SPECC1: variants seen among roughly 807,000 people sequenced by gnomAD.
The protein encoded by SPECC1 is sperm antigen with calponin homology and coiled-coil domains 1.
In SPECC1, 62 loss-of-function variants were observed where a neutral mutation model predicts 104.1. The observed-to-expected ratio is 0.60, with a 90% confidence interval of 0.49 to 0.74. SPECC1 has a LOEUF of 0.74. Among genes scored for constraint, SPECC1 ranks in the 30% least tolerant of loss-of-function variants. The pLI, the probability that SPECC1 is intolerant of heterozygous loss-of-function variation, is 0.00. For missense variants in SPECC1, 1,306 were observed against 1,310.5 expected, an observed-to-expected ratio of 1.00 and a Z score of 0.05; for synonymous variants, 513 against 501.6, an observed-to-expected ratio of 1.02 and a Z score of -0.30.
At chr17:20,288,878 G>A (rs562959023) in intron 12 of SPECC1, among the ~76,000 whole-genome samples, 17 of 149,698 alleles carry the variant, frequency 1.1e-4, no homozygotes, top group African/African-American at 3.2e-4. Context: ...CCGCCCCCCC[G>A]GGTTCAAGTG....
At chr17:20,223,308 G>C (rs2038004423) in intron 4 of SPECC1, among the ~76,000 whole-genome samples, 1 of 152,042 alleles carries the variant, frequency 6.6e-6, no homozygotes, top group Non-Finnish European at 1.5e-5. Flanking sequence ...CAGTTCTGCT[G>C]TTGAGACTCT....
At chr17:20,309,638 G>C (rs1037949489) in intron 14 of SPECC1, among the ~76,000 whole-genome samples, 1 of 152,064 alleles carries the variant, frequency 6.6e-6, no homozygotes, top group Non-Finnish European at 1.5e-5. Context: ...TTATAAGTGA[G>C]AACATGTCTT....
chr17:20,316,070 C>T lies in SPECC1; in HGVS notation c.*2005C>T, dbSNP rs527858598. The T allele has an allele frequency of 4.3e-5, 10 of 232,516 alleles. No homozygotes were observed. In the East Asian group the frequency reaches 4.9e-4, roughly 11 times the overall value. The allele number at this position is 232,516 out of a possible 1,614,324, so 14.4% of individuals were successfully genotyped here. On this transcript the variant is annotated 3_prime_UTR_variant, in exon 15 of 15. Coordinates refer to ENST00000395527, the MANE Select transcript of SPECC1 (RefSeq NM_001243439.2). Reference sequence around the variant, plus strand: ...AGCAGCTGTTGGGCGATGGTCATTACATCACCCATGCCTTTGTATTTAAAT... The same window carrying T: ...AGCAGCTGTTGGGCGATGGTCATTATATCACCCATGCCTTTGTATTTAAAT...
At chr17:20,261,481 G>A (rs1239339065) in intron 12 of SPECC1, among the ~76,000 whole-genome samples, 2 of 133,008 alleles carry the variant, frequency 1.5e-5, no homozygotes, top group Admixed American at 8.5e-5. Flanking sequence ...CAGGCTGGGC[G>A]ACAGAGCAAG....
chr17:20,160,821 T>G (rs913855209), intron 3 of SPECC1, among the ~76,000 whole-genome samples: 11 of 152,194 alleles, frequency 7.2e-5, no homozygotes, highest in Non-Finnish European at 1.5e-4. Context: ...TAACCTGCAC[T>G]ATGAAAGTTG....
intron 5 of SPECC1, among the ~76,000 whole-genome samples, chr17:20,231,118 G>T (rs1382734434): frequency 6.6e-6 from 1 of 152,162 alleles, no homozygotes; most frequent in East Asian, 1.9e-4. Context: ...GAGAACAAGG[G>T]GCTGCAGGTG....
At chr17:20,046,806 T>C (rs2045556573) in intron 1 of SPECC1, among the ~76,000 whole-genome samples, 1 of 146,634 alleles carries the variant, frequency 6.8e-6, no homozygotes, top group African/African-American at 2.5e-5. Context: ...GGAGGGGCAG[T>C]GAGGAGGCCA....
At chr17:20,139,819 T>C (rs1007890293) in intron 3 of SPECC1, among the ~76,000 whole-genome samples, 28 of 152,014 alleles carry the variant, frequency 1.8e-4, no homozygotes, top group Middle Eastern at 6.3e-3. Flanking sequence ...GGATGACAGG[T>C]GCCCATCACC....
At position 20,204,773 on chromosome 17, in the gene SPECC1, G is replaced by C. The variant is rs144644210; in HGVS notation, c.724G>C (p.Asp242His). 3.7e-6 allele frequency: 6 copies of C among 1,614,072 alleles called. No homozygotes were observed. In the Admixed American group the frequency reaches 8.3e-5, roughly 22 times the overall value. The change falls in exon 4 of 15, where the codon GAT (aspartate) becomes CAT (histidine). Residue 242 changes from aspartate to histidine, a missense_variant. Asp to His is a moderately conservative substitution (Grantham distance 81). This residue lies in a region of SPECC1 where 1,177 missense variants were observed against 1,139.9 expected (regional missense o/e 1.03). Coordinates refer to ENST00000395527, the MANE Select transcript of SPECC1 (RefSeq NM_001243439.2). ...CAAGAACTTTCAGAAAGAGCTTTCC[G>C]ATCTAGAGGAAGAAAACCGGGTCCT... The part of the protein sequence containing the change: ...KNKNFQKELS[D>H]LEEENRVLKE...
intron 1 of SPECC1, among the ~76,000 whole-genome samples, chr17:20,038,909 A>G (rs1006834811): frequency 6.6e-6 from 1 of 152,178 alleles, no homozygotes; most frequent in Admixed American, 6.5e-5. Context: ...TATGACTTCT[A>G]TTCTTTGAAA....
Position 20,229,338 on chromosome 17 carries a change from C to T in SPECC1, c.2071+1718C>T, listed in dbSNP as rs548673188. Among the ~76,000 whole-genome samples, 17 of 152,196 alleles carry T rather than the reference C, an allele frequency of 1.1e-4. 1 individual carries two copies. In the South Asian group the frequency reaches 2.5e-3, roughly 22 times the overall value. On this transcript the variant is annotated intron_variant, in intron 5 of 14. Coordinates refer to ENST00000395527, the MANE Select transcript of SPECC1 (RefSeq NM_001243439.2). ...TTCATGCAGACGCAAGCTCTTGTCC[C>T]GTTGTGCGTGAGTTCGGTGTTATTG...
intron 7 of SPECC1, among the ~76,000 whole-genome samples, chr17:20,236,079 G>A (rs997566437): frequency 2.0e-5 from 3 of 152,270 alleles, no homozygotes; most frequent in African/African-American, 4.8e-5. Context: ...GAAGTTGGAG[G>A]TATAGATTCT....
chr17:20,265,859 C>T (rs1030727548), intron 12 of SPECC1, among the ~76,000 whole-genome samples: 10 of 152,270 alleles, frequency 6.6e-5, no homozygotes, highest in Middle Eastern at 3.4e-3. Flanking sequence ...AATTCTCTTC[C>T]CATTGCTTGT....
At chr17:20,069,348 T>TTTTAATTTTTATGAAGTCCAC (rs2046466875) in intron 1 of SPECC1, among the ~76,000 whole-genome samples, 1 of 152,206 alleles carries the variant, frequency 6.6e-6, no homozygotes, top group Non-Finnish European at 1.5e-5. Context: ...AGCAAAAGGT[T>TTTTAATTTTTATGAAGTCCAC]TTTAATTTTT....
At chr17:20,167,396 C>T in intron 3 of SPECC1, among the ~76,000 whole-genome samples, 1 of 151,858 alleles carries the variant, frequency 6.6e-6, no homozygotes, top group East Asian at 1.9e-4. Context: ...AAATAGCTCC[C>T]AGCTGGGCGC....
At chr17:20,010,668 G>A (rs2043911599) in intron 1 of SPECC1, among the ~76,000 whole-genome samples, 1 of 152,144 alleles carries the variant, frequency 6.6e-6, no homozygotes, top group African/African-American at 2.4e-5. Context: ...TGATCTTATT[G>A]TCTGTTAAAC....
At chr17:20,193,915 A>G (rs953799625) in intron 3 of SPECC1, among the ~76,000 whole-genome samples, 1 of 152,338 alleles carries the variant, frequency 6.6e-6, no homozygotes, top group East Asian at 1.9e-4. Flanking sequence ...GATCACTGGT[A>G]GGTTCACAGG....
intron 12 of SPECC1, among the ~76,000 whole-genome samples, chr17:20,264,981 G>T (rs2040169344): frequency 6.6e-6 from 1 of 152,082 alleles, no homozygotes; most frequent in African/African-American, 2.4e-5. Context: ...TTATGGCTGT[G>T]TATTTCCATG....
rs542164349 is a variant in SPECC1 at position 20,284,663 on chromosome 17, A to C, written c.2941-12298A>C. 5.9e-5 allele frequency among the ~76,000 whole-genome samples: 9 copies of C among 152,390 alleles called. No homozygotes were observed. In the South Asian group the frequency reaches 1.9e-3, roughly 32 times the overall value. On this transcript the variant is annotated intron_variant, in intron 12 of 14. Coordinates refer to ENST00000395527, the MANE Select transcript of SPECC1 (RefSeq NM_001243439.2). The stretch of plus-strand genomic sequence containing the variant: ...GATCCTCCCTGGGCTTTTATTGCAC[A>C]TGCTGAGCTCCAGTGAGGAATGAGC...
Sources: allele counts gnomAD v4.1 joint callset (sites outside exome capture counted in the v4.1 genomes callset), GRCh38; gene constraint gnomAD v4.1.1; regional missense constraint gnomAD v4.1.1; transcripts MANE v1.5; gene names NCBI Gene and HGNC (gene_info 2026-07-23, HGNC 2026-07-21).